ENGASE: variants seen among roughly 807,000 people sequenced by gnomAD.
The protein encoded by ENGASE is cytosolic endo-beta-N-acetylglucosaminidase.
Under a neutral mutation model 78.5 loss-of-function variants are expected in ENGASE, and 69 were observed. The observed-to-expected ratio is 0.88, with a 90% CI of 0.72 to 1.07. ENGASE has a LOEUF of 1.07. ENGASE is among the 50% of genes least tolerant of loss of function. ENGASE has a pLI of 0.00. For missense variants in ENGASE, 943 were observed against 988.4 expected (o/e 0.95, Z 0.62); for synonymous variants, 408 against 408.9 (o/e 1.00, Z 0.03).
chr17:79,084,639 C>T lies in ENGASE; in HGVS notation c.1544C>T (p.Thr515Ile). The T allele has an allele frequency of 6.2e-7, 1 of 1,613,472 alleles. No homozygotes were observed. Among genetic ancestry groups the T allele is most frequent in the Non-Finnish European group, 8.5e-7 (1 of 1,179,862 alleles). ...GTCACAGTTGCTTTGGAGCTGACCA[C>T]AGGGGATGCCGGCAGCTGCCACATC... ...TDVTVALELT[T>I]GDAGSCHIGG... is the part of the protein sequence containing the mutation. The change falls in exon 11 of 14, where the codon ACA (threonine) becomes ATA (isoleucine). Residue 515 changes from threonine to isoleucine, a missense_variant. Transcript: ENST00000579016.
At position 79,085,705 on chromosome 17, in the gene ENGASE, A is replaced by C. The variant is rs759652320; in HGVS notation, c.1786A>C (p.Ser596Arg). ...SRPPGSREEESFTCRLGEIQV... is the reference protein window; with the variant it reads ...SRPPGSREEERFTCRLGEIQV... ...GCCGCCGGGTAGTCGGGAGGAGGAGAGCTTCACCTGTCGGCTTGGAGAGAT... is the reference window on the plus strand; with the variant it reads ...GCCGCCGGGTAGTCGGGAGGAGGAGCGCTTCACCTGTCGGCTTGGAGAGAT... The change falls in exon 13 of 14, where the codon AGC becomes CGC. Residue 596 changes from serine to arginine, a missense_variant. Coordinates refer to ENST00000579016, the MANE Select transcript of ENGASE (RefSeq NM_001042573.3). The C allele has an allele frequency of 1.2e-6, 2 of 1,613,704 alleles. No homozygotes were observed.
intron 11 of ENGASE, among the ~76,000 whole-genome samples, chr17:79,085,000 T>C (rs2073251140): frequency 1.3e-5 from 2 of 151,450 alleles, no homozygotes; most frequent in African/African-American, 2.4e-5. Flanking sequence ...GCAAATGGGG[T>C]GGGGGAGACG....
chr17:79,085,329 G>A lies in ENGASE; in HGVS notation c.1687G>A (p.Gly563Ser), dbSNP rs2073264467. Reference sequence around the variant, plus strand: ...CCGCTGCGGCCGGCAGCTGAGTGGGGGCTGGGTCCAGCAGTAAGTCCCTCT... The same window carrying A: ...CCGCTGCGGCCGGCAGCTGAGTGGGAGCTGGGTCCAGCAGTAAGTCCCTCT... ...VGRCGRQLSGGWVQHCYEVSL... is the reference protein window; with the variant it reads ...VGRCGRQLSGSWVQHCYEVSL... Residue 563 changes from glycine to serine, a missense_variant, in exon 12 of 14, where the codon GGC (glycine) becomes AGC (serine). By Grantham distance (56) the Gly-to-Ser change is moderately conservative. Coordinates refer to ENST00000579016, the MANE Select transcript of ENGASE (RefSeq NM_001042573.3). 1 of 1,611,108 alleles carries A rather than the reference G, an allele frequency of 6.2e-7. No individual in the cohort carries two copies. Among genetic ancestry groups the A allele is most frequent in the South Asian group, 1.1e-5 (1 of 90,948 alleles).
At position 79,085,280 on chromosome 17, in the gene ENGASE, C is replaced by A. The variant is rs1486134340; in HGVS notation, c.1638C>A (p.Pro546=). The A allele has an allele frequency of 3.1e-6, 5 of 1,613,394 alleles. No homozygotes were observed. The highest frequency in any genetic ancestry group is 3.4e-6 in the Non-Finnish European group (4 of 1,179,978). Residue 546 remains proline, a synonymous_variant, in exon 12 of 14, where the codon CCC becomes CCA. Transcript: ENST00000579016. ...GCCTCCGACCCCTCCGGGTGCCCCCCACCAAGCTGGCCAGATGGGTGGGCC... is the reference window on the plus strand; with the variant it reads ...GCCTCCGACCCCTCCGGGTGCCCCCAACCAAGCTGGCCAGATGGGTGGGCC... ...RHSLRPLRVP[P]TKLARWVGRC... is the part of the protein sequence containing the mutation.
chr17:79,082,855 G>C (rs1162543865), intron 7 of ENGASE, 165 bp from the exon 8 acceptor site: 1 of 1,559,202 alleles, frequency 6.4e-7, no homozygotes, highest in Admixed American at 1.8e-5. Flanking sequence ...GGAACGACGG[G>C]GGTGATGCCC....
chr17:79,086,486 C>G lies in ENGASE; in HGVS notation c.*137C>G. ...GGTCCCGGGGCTGGGGTGGGAGACC[C>G]CGGGCTGAGTGCTGTGGCTTTCTGG... On this transcript the variant is annotated 3_prime_UTR_variant, in exon 14 of 14. Transcript: ENST00000579016. 5 of 1,081,400 alleles carry G rather than the reference C, an allele frequency of 4.6e-6. No individual in the cohort carries two copies. The highest frequency in any genetic ancestry group is 5.2e-6 in the Non-Finnish European group (4 of 776,370). 67.0% of individuals were successfully genotyped at this position (1,081,400 alleles called of 1,614,324 possible).
At chr17:79,079,436 G>A (rs1334847209) in intron 3 of ENGASE, 53 bp from the exon 4 acceptor site, 2 of 1,578,182 alleles carry the variant, frequency 1.3e-6, no homozygotes, top group Non-Finnish European at 1.7e-6. Context: ...CCAAAGTGCT[G>A]GGAATAAAGG....
chr17:79,082,411 CAG>C (rs1272895936), intron 7 of ENGASE: 1 of 1,231,768 alleles, frequency 8.1e-7, no homozygotes, highest in Non-Finnish European at 1.0e-6. Flanking sequence ...CGGGGACGCA[CAG>C]GGGCCTGCAG....
chr17:79,084,728 G>A (rs2073242669), intron 11 of ENGASE, 42 bp downstream of exon 11: 1 of 1,599,198 alleles, frequency 6.3e-7, no homozygotes, highest in African/African-American at 1.3e-5. Flanking sequence ...CCAGGGCGGA[G>A]AGCTCAGGGA....
chr17:79,081,929 A>G lies in ENGASE; in HGVS notation c.904A>G (p.Thr302Ala). The G allele has an allele frequency of 1.2e-6, 2 of 1,613,658 alleles. No homozygotes were observed. The highest frequency in any genetic ancestry group is 1.7e-6 in the Non-Finnish European group (2 of 1,179,744). The change falls in exon 7 of 14, where the codon ACT (threonine) becomes GCT (alanine). Residue 302 changes from threonine to alanine, a missense_variant. Transcript: ENST00000579016. ...VFFDSCDGFF[T>A]NYNWREEHLE... ...CTTTGATTCCTGCGACGGCTTCTTCACTAACTATAACTGGCGGGAGGAGCA... is the reference window on the plus strand; with the variant it reads ...CTTTGATTCCTGCGACGGCTTCTTCGCTAACTATAACTGGCGGGAGGAGCA...
At chr17:79,075,191 G>A (rs1043707617) in intron 1 of ENGASE, 101 bp downstream of exon 1, 16 of 1,161,582 alleles carry the variant, frequency 1.4e-5, no homozygotes, top group Non-Finnish European at 2.1e-6. Flanking sequence ...GGGGCGGGGG[G>A]CCGGCGCCTG....
At chr17:79,081,346 C>CA (rs1302647343) in intron 6 of ENGASE, among the ~76,000 whole-genome samples, 3 of 152,096 alleles carry the variant, frequency 2.0e-5, no homozygotes, top group South Asian at 2.1e-4. Flanking sequence ...ACTGAAAATA[C>CA]AAAAAATTAG....
rs762153593 is a variant in ENGASE at position 79,087,473 on chromosome 17, C to T, written c.*1124C>T. The T allele has an allele frequency of 1.7e-5, 3 of 179,202 alleles. No homozygotes were observed. The highest frequency in any genetic ancestry group is 3.6e-5 in the Non-Finnish European group (3 of 83,220). The allele number at this position is 179,202 out of a possible 1,614,324, so 11.1% of individuals were successfully genotyped here. ...CGCTGCAGCTGCACAGCCTCTGCTA[C>T]ACCTGGGCTGCCTGGGAGGCTTCCT... On this transcript the variant is annotated 3_prime_UTR_variant, in exon 14 of 14. Transcript: ENST00000579016.
intron 10 of ENGASE, 60 bp downstream of exon 10, chr17:79,084,011 T>TG: frequency 2.0e-6 from 3 of 1,483,754 alleles, no homozygotes; most frequent in Non-Finnish European, 2.8e-6. Flanking sequence ...GTGGTGGCCA[T>TG]GGAACTGGAC....
chr17:79,076,684 G>C (rs565898644), intron 1 of ENGASE, among the ~76,000 whole-genome samples: 53 of 152,310 alleles, frequency 3.5e-4, no homozygotes, highest in Non-Finnish European at 5.4e-4. Flanking sequence ...TGAACAGCGC[G>C]GAAGGCACTT....
intron 13 of ENGASE, 77 bp downstream of exon 13, chr17:79,085,811 G>A (rs1444846540): frequency 2.9e-5 from 46 of 1,599,468 alleles, no homozygotes; most frequent in East Asian, 4.5e-5. Flanking sequence ...GCCCCAGGCC[G>A]CCCCCTTCTT....
At chr17:79,081,759 G>A in intron 6 of ENGASE, 139 bp from the exon 7 acceptor site, 1 of 923,690 alleles carries the variant, frequency 1.1e-6, no homozygotes. Flanking sequence ...TGTGGGGTGG[G>A]GTGGGGTGGG....
chr17:79,077,480 C>T lies in ENGASE; in HGVS notation c.197C>T (p.Ser66Phe), dbSNP rs368696567. 85 of 1,562,024 alleles carry T rather than the reference C, an allele frequency of 5.4e-5. 5 individuals carry two copies. Among genetic ancestry groups the T allele is most frequent in the Non-Finnish European group, 6.0e-6 (7 of 1,158,490 alleles). The change falls in exon 2 of 14, where the codon TCC becomes TTC. Residue 66 changes from serine (S) to phenylalanine (F), a missense_variant. Transcript: ENST00000579016. The stretch of plus-strand genomic sequence containing the variant: ...GTCTTTCGAGAGGTGGTCAGTTTTT[C>T]CCCGGACCCCCTGCCAGGTGAGGAG... ...ETVFREVVSF[S>F]PDPLPVRYYD...
At position 79,081,897 on chromosome 17, in the gene ENGASE, G is replaced by C. The variant is rs201060954; in HGVS notation, c.873-1G>C. 1 of 1,609,422 alleles carries C rather than the reference G, an allele frequency of 6.2e-7. No individual in the cohort carries two copies. Among genetic ancestry groups the C allele is most frequent in the Admixed American group, 1.7e-5 (1 of 59,720 alleles). The stretch of plus-strand genomic sequence containing the variant: ...CACAGCAGGTCCTTGTTGCTTCTCA[G>C]GGTCTTCTTTGATTCCTGCGACGGC... On this transcript the variant is annotated splice_acceptor_variant, in intron 6 of 13. Coordinates refer to ENST00000579016, the MANE Select transcript of ENGASE (RefSeq NM_001042573.3). LOFTEE classifies it high-confidence loss of function.
Sources: gnomAD v4.1 joint callset for allele counts (sites outside exome capture counted in the v4.1 genomes callset) on GRCh38, gnomAD v4.1.1 for gene constraint, MANE v1.5 for transcripts, NCBI Gene and HGNC (gene_info 2026-07-23, HGNC 2026-07-21) for gene names.